Variants in STXBP6 observed in about 807,000 individuals in gnomAD.
STXBP6 encodes the protein syntaxin binding protein 6.
Under a neutral mutation model 26.9 loss-of-function variants are expected in STXBP6, and 21 were observed. That is an observed-to-expected ratio of 0.78 (90% CI 0.55 to 1.12). STXBP6 has a LOEUF of 1.12. STXBP6 is among the 50% of genes most tolerant of loss of function. The pLI is 0.00. For missense variants in STXBP6, 232 were observed against 257.9 expected (o/e 0.90, Z 0.69); for synonymous variants, 97 against 92.6 (o/e 1.05, Z -0.27).
intron 2 of STXBP6, among the ~76,000 whole-genome samples, chr14:24,938,013 A>T (rs78954569): frequency 0.019 from 2,838 of 152,324 alleles, 89 homozygotes; most frequent in African/African-American, 0.064. Context: ...TATACGAGCA[A>T]TCTGCCTGGC....
chr14:24,944,852 GGAGTGTGAAAA>G (rs1193551616), intron 2 of STXBP6, among the ~76,000 whole-genome samples: 4 of 152,110 alleles, frequency 2.6e-5, no homozygotes, highest in Non-Finnish European at 4.4e-5. Flanking sequence ...GAGTTTGTTT[GGAGTGTGAAAA>G]GAGTGTGAAA....
chr14:25,022,197 G>C (rs1444504210), intron 1 of STXBP6, among the ~76,000 whole-genome samples: 4 of 152,142 alleles, frequency 2.6e-5, no homozygotes, highest in East Asian at 1.9e-4. Flanking sequence ...AGTGGCCCAG[G>C]GTTAATCGAT....
intron 1 of STXBP6, among the ~76,000 whole-genome samples, chr14:25,044,330 G>A (rs181029557): frequency 2.8e-4 from 42 of 152,192 alleles, no homozygotes; most frequent in Admixed American, 2.3e-3. Flanking sequence ...GTTTTCCCAA[G>A]TGGCTGTTCG....
chr14:24,862,800 G>C (rs1213418183), intron 2 of STXBP6, among the ~76,000 whole-genome samples: 2 of 152,190 alleles, frequency 1.3e-5, no homozygotes, highest in Non-Finnish European at 2.9e-5. Flanking sequence ...CTATGGGAAG[G>C]CTGCTTTAAT....
At chr14:24,923,018 T>C (rs2072034052) in intron 2 of STXBP6, among the ~76,000 whole-genome samples, 1 of 152,082 alleles carries the variant, frequency 6.6e-6, no homozygotes, top group Non-Finnish European at 1.5e-5. Context: ...ATATAGAGAA[T>C]AAATACTCAA....
At position 25,021,501 on chromosome 14, in the gene STXBP6, C is replaced by G. The variant is rs139750350; in HGVS notation, c.-33+28377G>C. ...GGGTGTCTTCATTTTTTTTCACCTC[C>G]TATTCATTTTTCAACCCACAGCAAT... is the stretch of plus-strand genomic sequence containing the variant. On this transcript the variant is annotated intron_variant, in intron 1 of 5. Coordinates refer to ENST00000323944, the MANE Select transcript of STXBP6 (RefSeq NM_001394410.1). 3.2e-3 allele frequency among the ~76,000 whole-genome samples: 490 copies of G among 152,108 alleles called. 4 individuals are homozygous for G. The highest frequency in any genetic ancestry group is 0.011 in the African/African-American group (451 of 41,510).
At position 25,049,057 on chromosome 14, in the gene STXBP6, C is replaced by G. The variant is rs993745561; in HGVS notation, c.-33+821G>C. ...GGGGCCAGAACCAAGGGCAGATACA[C>G]CCCGGGGACTTTCTCCTAAAGAACA... On this transcript the variant is annotated intron_variant, in intron 1 of 5. Coordinates refer to ENST00000323944, the MANE Select transcript of STXBP6 (RefSeq NM_001394410.1). This position sits in a 1 kb window ranked among gnomAD's most constrained non-coding sequence, Gnocchi z 5.6. The G allele has an allele frequency of 1.5e-6, 1 of 681,078 alleles. No homozygotes were observed. The highest frequency in any genetic ancestry group is 1.9e-5 in the African/African-American group (1 of 51,348). 42.2% of individuals were successfully genotyped at this position (681,078 alleles called of 1,614,324 possible). A position where few individuals can be genotyped will look rare whatever the true frequency, so the allele number is the denominator to read the frequency against.
At chr14:24,976,880 T>TTTTTTTTTTTTTTTGG in intron 1 of STXBP6, among the ~76,000 whole-genome samples, 1 of 136,174 alleles carries the variant, frequency 7.3e-6, no homozygotes, top group East Asian at 2.1e-4. Flanking sequence ...TTTTTTTTTT[T>TTTTTTTTTTTTTTTGG]GAGGCAGAGT....
At chr14:24,843,763 A>G (rs2068856122) in intron 4 of STXBP6, among the ~76,000 whole-genome samples, 1 of 152,210 alleles carries the variant, frequency 6.6e-6, no homozygotes, top group Non-Finnish European at 1.5e-5. Flanking sequence ...TCCTACCAGG[A>G]AGACAAGATT....
intron 1 of STXBP6, among the ~76,000 whole-genome samples, chr14:25,012,775 C>T (rs2075059761): frequency 6.6e-6 from 1 of 152,054 alleles, no homozygotes; most frequent in Non-Finnish European, 1.5e-5. Context: ...GTCTTGAGAA[C>T]CCCTAGGCAT....
intron 1 of STXBP6, among the ~76,000 whole-genome samples, chr14:24,990,125 T>C (rs1383962174): frequency 6.6e-6 from 1 of 152,164 alleles, no homozygotes; most frequent in Non-Finnish European, 1.5e-5. Context: ...TTGGCTTACA[T>C]TGGAAGAGGA....
chr14:25,039,616 C>T (rs900943007), intron 1 of STXBP6, among the ~76,000 whole-genome samples: 4 of 152,164 alleles, frequency 2.6e-5, no homozygotes, highest in Admixed American at 2.0e-4. Flanking sequence ...ACAGCATTGG[C>T]CCAAGGATTA....
chr14:24,834,125 G>A (rs1330829083), intron 4 of STXBP6, among the ~76,000 whole-genome samples: 2 of 152,072 alleles, frequency 1.3e-5, no homozygotes, highest in Non-Finnish European at 1.5e-5. Flanking sequence ...CCTCTGAGTA[G>A]CTGGGATTGC....
chr14:24,930,837 C>T (rs992428631), intron 2 of STXBP6, among the ~76,000 whole-genome samples: 2 of 152,008 alleles, frequency 1.3e-5, no homozygotes, highest in Non-Finnish European at 2.9e-5. Flanking sequence ...ACCGGCCGGG[C>T]GCGGTGGCTC....
chr14:24,961,815 GAA>G (rs1181368295), intron 2 of STXBP6, among the ~76,000 whole-genome samples: 1 of 152,006 alleles, frequency 6.6e-6, no homozygotes, highest in Non-Finnish European at 1.5e-5. Flanking sequence ...ATAATTTTTT[GAA>G]AAGTTAATTT....
chr14:24,948,971 G>T (rs915540687), intron 2 of STXBP6, among the ~76,000 whole-genome samples: 1 of 152,038 alleles, frequency 6.6e-6, no homozygotes, highest in African/African-American at 2.4e-5. Flanking sequence ...TTTCTAATAC[G>T]TTGGTGCACA....
At chr14:24,938,077 C>T (rs2072667992) in intron 2 of STXBP6, among the ~76,000 whole-genome samples, 1 of 152,170 alleles carries the variant, frequency 6.6e-6, no homozygotes, top group African/African-American at 2.4e-5. Flanking sequence ...ACACATTGTA[C>T]AAGACAACAG....
intron 1 of STXBP6, among the ~76,000 whole-genome samples, chr14:25,014,822 T>TA (rs1328366020): frequency 6.6e-6 from 1 of 152,238 alleles, no homozygotes; most frequent in African/African-American, 2.4e-5. Context: ...GCTTTTCACA[T>TA]AAAAAGAAAA....
At chr14:24,837,883 T>C (rs2068664985) in intron 4 of STXBP6, among the ~76,000 whole-genome samples, 1 of 152,168 alleles carries the variant, frequency 6.6e-6, no homozygotes, top group Non-Finnish European at 1.5e-5. Context: ...TGGTGAGCTG[T>C]GGATGGCTGG....
Sources: allele counts gnomAD v4.1 joint callset (sites outside exome capture counted in the v4.1 genomes callset), GRCh38; gene constraint gnomAD v4.1.1; non-coding constraint Gnocchi (gnomAD v3.1); transcripts MANE v1.5; gene names NCBI Gene and HGNC (gene_info 2026-07-23, HGNC 2026-07-21).